Variants in DDB2 observed in about 807,000 individuals in gnomAD.
The protein encoded by DDB2 is damage specific DNA binding protein 2.
DDB2 carries 27 observed loss-of-function variants against 50.5 expected under a neutral mutation model. The observed-to-expected ratio is 0.53, with a 90% CI of 0.39 to 0.74. The LOEUF (loss-of-function observed/expected upper bound fraction) is 0.74, where lower values mean the gene tolerates loss of function less well. Among genes scored for constraint, DDB2 ranks in the 30% least tolerant of loss-of-function variants. DDB2 has a pLI of 0.00. For missense variants in DDB2, 424 were observed against 545.6 expected, an observed-to-expected ratio of 0.78 and a Z score of 2.22; for synonymous variants, 176 against 205.5, an observed-to-expected ratio of 0.86 and a Z score of 1.23.
chr11:47,215,954 A>T, intron 1 of DDB2: 1 of 333,742 alleles, frequency 3.0e-6, no homozygotes, highest in Non-Finnish European at 5.8e-6. Context: ...GCTGCCCTAA[A>T]ATCTTTTTAT....
intron 3 of DDB2, among the ~76,000 whole-genome samples, chr11:47,227,030 T>C (rs1953568672): frequency 1.3e-5 from 2 of 150,952 alleles, no homozygotes; most frequent in African/African-American, 4.9e-5. Context: ...GAACTCCTGT[T>C]TGCCTGTTTT....
In DDB2 at chr11:47,216,425, C is replaced by G; in HGVS notation, c.217C>G (p.Leu73Val). 2 of 1,614,066 alleles carry G rather than the reference C, an allele frequency of 1.2e-6. No individual in the cohort carries two copies. The highest frequency in any genetic ancestry group is 1.7e-6 in the Non-Finnish European group (2 of 1,180,040). ...ACCATGCCGCAGCATCGTCAGGACCCTCCACCAGCATAAGCTGGGCAGAGC... is the reference window on the plus strand; with the variant it reads ...ACCATGCCGCAGCATCGTCAGGACCGTCCACCAGCATAAGCTGGGCAGAGC... ...LPPCRSIVRTLHQHKLGRASW... is the reference protein window; with the variant it reads ...LPPCRSIVRTVHQHKLGRASW... The change falls in exon 2 of 10, where the codon CTC becomes GTC. Residue 73 changes from leucine (L) to valine (V), a missense_variant. Leu to Val is a conservative substitution (Grantham distance 32). Transcript: ENST00000256996.
chr11:47,227,020 G>C (rs1467065973), intron 3 of DDB2, among the ~76,000 whole-genome samples: 2 of 149,808 alleles, frequency 1.3e-5, no homozygotes, highest in Non-Finnish European at 3.0e-5. Flanking sequence ...GGCTGGTCTT[G>C]AACTCCTGTT....
At position 47,234,664 on chromosome 11, in the gene DDB2, G is replaced by T; in HGVS notation, c.694G>T (p.Gly232Cys). Residue 232 changes from glycine (G) to cysteine (C), a missense_variant, in exon 5 of 10, where the codon GGC becomes TGC. Coordinates refer to ENST00000256996, the MANE Select transcript of DDB2 (RefSeq NM_000107.3). ...VGNVILLNMDGKELWNLRMHK... is the reference protein window; with the variant it reads ...VGNVILLNMDCKELWNLRMHK... ...GAACGTGATCCTGCTGAACATGGACGGCAAAGAGGTGCGTTCTCCGAGGTC... is the reference window on the plus strand; with the variant it reads ...GAACGTGATCCTGCTGAACATGGACTGCAAAGAGGTGCGTTCTCCGAGGTC... 4 of 1,614,022 alleles carry T rather than the reference G, an allele frequency of 2.5e-6. No homozygotes were observed. The highest frequency in any genetic ancestry group is 3.4e-6 in the Non-Finnish European group (4 of 1,179,984).
At chr11:47,227,904 G>C (rs1953583184) in intron 3 of DDB2, among the ~76,000 whole-genome samples, 1 of 151,978 alleles carries the variant, frequency 6.6e-6, no homozygotes, top group Non-Finnish European at 1.5e-5. Flanking sequence ...CACTTTGGGA[G>C]GCCGAGGGGG....
intron 3 of DDB2, 172 bp downstream of exon 3, chr11:47,217,221 C>G (rs1036395849): frequency 3.6e-6 from 2 of 554,826 alleles, no homozygotes; most frequent in Non-Finnish European, 6.6e-6. Flanking sequence ...ACTAAAAATA[C>G]AAAAATTAGC....
At chr11:47,228,977 A>ATATGTATCTATCTATC (rs1554974380) in intron 3 of DDB2, among the ~76,000 whole-genome samples, 1 of 124,660 alleles carries the variant, frequency 8.0e-6, no homozygotes, top group African/African-American at 2.9e-5. Flanking sequence ...AAAAAAAGAA[A>ATATGTATCTATCTATC]TATCTATCTA....
At chr11:47,216,804 G>A in intron 2 of DDB2, 54 bp from the exon 3 acceptor site, 2 of 1,578,660 alleles carry the variant, frequency 1.3e-6, no homozygotes, top group South Asian at 2.2e-5. Context: ...GAGATTGGCA[G>A]TTTACCCAGA....
At chr11:47,235,926 C>CTTTT (rs10677833) in intron 7 of DDB2, 55 of 61,842 alleles carry the variant, frequency 8.9e-4, no homozygotes, top group Admixed American at 1.2e-3. Context: ...CAGGCTGATC[C>CTTTT]TTTTTTTTTT....
chr11:47,214,829 T>G, upstream of DDB2: 1 of 452,190 alleles, frequency 2.2e-6, no homozygotes, highest in East Asian at 3.9e-5. Flanking sequence ...GGAGGTCAGC[T>G]GACCCGGGCT....
chr11:47,214,820 G>A (rs1262677004), upstream of DDB2: 2 of 440,112 alleles, frequency 4.5e-6, no homozygotes, highest in Admixed American at 3.6e-5. Context: ...TTGCTCCAGG[G>A]AGGTCAGCTG....
chr11:47,214,984 A>T lies in DDB2; in HGVS notation c.-153A>T. Reference sequence around the variant, plus strand: ...CCGGAGCTCCAAGCTGGTTTGAACAAGCCCTGGGCATGTTTGGCGGGAAGT... The same window carrying T: ...CCGGAGCTCCAAGCTGGTTTGAACATGCCCTGGGCATGTTTGGCGGGAAGT... On this transcript the variant is annotated 5_prime_UTR_variant, in exon 1 of 10. In the 5' UTR this introduces an upstream ATG that the reference lacks. Coordinates refer to ENST00000256996, the MANE Select transcript of DDB2 (RefSeq NM_000107.3). 8.7e-7 allele frequency: 1 copy of T among 1,149,178 alleles called. No homozygotes were observed. The allele number at this position is 1,149,178 out of a possible 1,614,324, so 71.2% of individuals were successfully genotyped here.
intron 1 of DDB2, 21 bp from the exon 2 acceptor site, chr11:47,216,313 AAT>A: frequency 1.9e-6 from 3 of 1,614,024 alleles, no homozygotes; most frequent in Admixed American, 1.7e-5. Context: ...TGGAGAGGAA[AAT>A]ATGTCTGTTC....
intron 3 of DDB2, 116 bp from the exon 4 acceptor site, chr11:47,232,698 T>C (rs1953665984): frequency 1.8e-6 from 2 of 1,099,306 alleles, no homozygotes; most frequent in Non-Finnish European, 2.8e-6. Context: ...TAAGCTGACC[T>C]GGCCCCAAGC....
rs1953711407 is a variant in DDB2 at position 47,235,348 on chromosome 11, G to A, written c.959G>A (p.Trp320Ter). The A allele has an allele frequency of 6.2e-7, 1 of 1,613,978 alleles. No individual in the cohort carries two copies. The highest frequency in any genetic ancestry group is 8.5e-7 in the Non-Finnish European group (1 of 1,180,046). ...SEIRVYSASQ[W>*]DCPLGLIPHP... ...ATCCGAGTTTACTCTGCTTCCCAGTGGGACTGCCCCCTGGGCCTGATCCCG... is the reference window on the plus strand; with the variant it reads ...ATCCGAGTTTACTCTGCTTCCCAGTAGGACTGCCCCCTGGGCCTGATCCCG... The change falls in exon 7 of 10, where the codon TGG (tryptophan) becomes TAG (stop). Residue 320 changes from tryptophan to a stop codon, truncating the protein, a stop_gained. Coordinates refer to ENST00000256996, the MANE Select transcript of DDB2 (RefSeq NM_000107.3). LOFTEE classifies it high-confidence loss of function.
intron 3 of DDB2, among the ~76,000 whole-genome samples, chr11:47,228,630 G>A (rs1397373530): frequency 2.7e-5 from 4 of 147,956 alleles, no homozygotes; most frequent in Admixed American, 6.7e-5. Flanking sequence ...GCAACAGCAT[G>A]GGACTCTGTC....
intron 3 of DDB2, among the ~76,000 whole-genome samples, chr11:47,228,031 C>G (rs980848657): frequency 1.3e-5 from 2 of 150,474 alleles, no homozygotes; most frequent in African/African-American, 4.9e-5. Flanking sequence ...TCCCAGCTAC[C>G]CGGGAGGTTG....
intron 3 of DDB2, among the ~76,000 whole-genome samples, chr11:47,226,146 C>A (rs574049589): frequency 6.6e-6 from 1 of 152,292 alleles, no homozygotes; most frequent in African/African-American, 2.4e-5. Context: ...ATTGCTTCAT[C>A]AAATGGTAAT....
intron 3 of DDB2, among the ~76,000 whole-genome samples, chr11:47,230,055 TGGGACGTTGAGGTGGAA>T (rs148013513): frequency 0.073 from 11,047 of 150,842 alleles, 483 homozygotes; most frequent in South Asian, 0.11. Context: ...AACAGCACTT[TGGGACGTTGAGGTGGAA>T]GGATTGCTTG....
Sources: gnomAD v4.1 joint callset for allele counts (sites outside exome capture counted in the v4.1 genomes callset) on GRCh38, gnomAD v4.1.1 for gene constraint, MANE v1.5 for transcripts, NCBI Gene and HGNC (gene_info 2026-07-23, HGNC 2026-07-21) for gene names.